EPHA3: variants seen among roughly 807,000 people sequenced by gnomAD.
The protein encoded by EPHA3 is ephrin type-A receptor 3.
A neutral mutation model predicts 107.1 loss-of-function variants in EPHA3; 42 were observed. That is an observed-to-expected ratio of 0.39 (90% confidence interval 0.31 to 0.51). The LOEUF (loss-of-function observed/expected upper bound fraction) is 0.51. Among genes scored for constraint, EPHA3 ranks in the 20% least tolerant of loss-of-function variants. The probability of loss-of-function intolerance (pLI) is 0.78; values close to 1 mark genes in which losing one functional copy is unlikely to be tolerated. For synonymous variants in EPHA3, 461 were observed against 424.8 expected (o/e 1.09, Z -1.05); for missense variants, 1,183 against 1,211.2 (o/e 0.98, Z 0.35).
intron 1 of EPHA3, among the ~76,000 whole-genome samples, chr3:89,121,329 A>G (rs1335790883): frequency 1.3e-5 from 2 of 152,246 alleles, no homozygotes; most frequent in African/African-American, 4.8e-5. Flanking sequence ...CATTTCTGTG[A>G]TATAAAATGC....
chr3:89,429,695 CATCT>C (rs55794052), intron 12 of EPHA3, among the ~76,000 whole-genome samples: 52,769 of 149,088 alleles, frequency 0.35, 9,906 homozygotes, highest in Non-Finnish European at 0.44. Flanking sequence ...GTTTATCTAT[CATCT>C]ATCTATCTAT....
At chr3:89,264,103 T>C (rs1401178356) in intron 3 of EPHA3, among the ~76,000 whole-genome samples, 2 of 152,116 alleles carry the variant, frequency 1.3e-5, no homozygotes, top group African/African-American at 4.8e-5. Flanking sequence ...TATGTTTGGT[T>C]CAAAAAGCTT....
At chr3:89,111,690 T>C (rs1369124453) in intron 1 of EPHA3, among the ~76,000 whole-genome samples, 1 of 152,132 alleles carries the variant, frequency 6.6e-6, no homozygotes, top group African/African-American at 2.4e-5. Flanking sequence ...ATTTTGAATG[T>C]CCCGTAAAGA....
chr3:89,127,255 C>T lies in EPHA3; in HGVS notation c.135C>T (p.Ile45=), dbSNP rs139262347. 5.6e-6 allele frequency: 9 copies of T among 1,612,152 alleles called. No individual in the cohort carries two copies. The African/African-American group carries it at 1.2e-4, about 22-fold the overall frequency. Residue 45 remains isoleucine (I), a synonymous_variant, in exon 2 of 17, where the codon ATC becomes ATT. Transcript: ENST00000336596. ...SKTIQGELGW[I]SYPSHGWEEI... The stretch of plus-strand genomic sequence containing the variant: ...CAATTCAAGGGGAGCTGGGCTGGAT[C>T]TCTTATCCATCACATGGGGTGAGTT...
intron 1 of EPHA3, among the ~76,000 whole-genome samples, chr3:89,117,101 A>G (rs1707275059): frequency 6.6e-6 from 1 of 152,054 alleles, no homozygotes; most frequent in Non-Finnish European, 1.5e-5. Flanking sequence ...GGTTAATTTT[A>G]TTACTGAGAA....
At chr3:89,333,745 G>A (rs1216820289) in intron 3 of EPHA3, among the ~76,000 whole-genome samples, 2 of 151,954 alleles carry the variant, frequency 1.3e-5, no homozygotes, top group African/African-American at 2.4e-5. Context: ...GGTGGCATGC[G>A]ACTGTAGTCC....
intron 15 of EPHA3, among the ~76,000 whole-genome samples, chr3:89,458,217 C>T (rs1281345755): frequency 3.9e-5 from 6 of 152,128 alleles, no homozygotes; most frequent in Non-Finnish European, 5.9e-5. Context: ...AAATACGAAA[C>T]ATTCACTAAT....
intron 5 of EPHA3, among the ~76,000 whole-genome samples, chr3:89,368,294 T>A (rs1330729736): frequency 6.7e-6 from 1 of 150,272 alleles, no homozygotes; most frequent in African/African-American, 2.4e-5. Context: ...TCTTCATTAA[T>A]TAAAAAAAGA....
chr3:89,443,907 T>TCTGTA (rs1486938748), intron 13 of EPHA3, among the ~76,000 whole-genome samples: 1 of 152,028 alleles, frequency 6.6e-6, no homozygotes, highest in Non-Finnish European at 1.5e-5. Context: ...TTTACCCAGT[T>TCTGTA]ACAGAAAAAA....
At chr3:89,415,212 A>C (rs1177262230) in intron 10 of EPHA3, among the ~76,000 whole-genome samples, 3 of 151,522 alleles carry the variant, frequency 2.0e-5, no homozygotes, top group African/African-American at 7.2e-5. Flanking sequence ...GTACACAAAT[A>C]AATTAAATAG....
intron 3 of EPHA3, among the ~76,000 whole-genome samples, chr3:89,305,781 A>G (rs1465967033): frequency 1.3e-5 from 2 of 152,212 alleles, no homozygotes; most frequent in East Asian, 3.9e-4. Context: ...CAACCAGACT[A>G]CTTGGCCCTA....
At chr3:89,418,638 ATTG>A (rs1196447453) in intron 10 of EPHA3, among the ~76,000 whole-genome samples, 5 of 151,276 alleles carry the variant, frequency 3.3e-5, no homozygotes, top group Non-Finnish European at 7.4e-5. Flanking sequence ...ATACTGTTAT[ATTG>A]TTGTTGTCCT....
intron 7 of EPHA3, among the ~76,000 whole-genome samples, chr3:89,403,788 C>G (rs1185599538): frequency 3.9e-5 from 6 of 152,134 alleles, no homozygotes; most frequent in Non-Finnish European, 8.8e-5. Flanking sequence ...CTCCGTGTCT[C>G]AGTTTTTCTA....
At chr3:89,429,309 G>T in intron 12 of EPHA3, 142 bp downstream of exon 12, 1 of 532,566 alleles carries the variant, frequency 1.9e-6, no homozygotes, top group South Asian at 4.4e-5. Flanking sequence ...GACAGAGAAG[G>T]GCTGTAAAAT....
intron 6 of EPHA3, among the ~76,000 whole-genome samples, chr3:89,398,174 T>A (rs1365809733): frequency 6.6e-6 from 1 of 152,224 alleles, no homozygotes; most frequent in East Asian, 1.9e-4. Context: ...GCATGTTTTC[T>A]GTACTATTCA....
intron 15 of EPHA3, among the ~76,000 whole-genome samples, chr3:89,456,562 G>T (rs749795712): frequency 6.6e-5 from 10 of 152,104 alleles, no homozygotes; most frequent in Admixed American, 5.9e-4. Context: ...GCCTTCATTA[G>T]AGTTGATGAT....
At chr3:89,313,834 A>G (rs1487881481) in intron 3 of EPHA3, among the ~76,000 whole-genome samples, 1 of 152,066 alleles carries the variant, frequency 6.6e-6, no homozygotes, top group African/African-American at 2.4e-5. Context: ...TAAGTACTAC[A>G]TATTGTTGTT....
At chr3:89,308,107 T>C (rs939766784) in intron 3 of EPHA3, among the ~76,000 whole-genome samples, 4 of 152,124 alleles carry the variant, frequency 2.6e-5, no homozygotes, top group African/African-American at 9.7e-5. Context: ...CATTAAGTAA[T>C]GGTTGAGTGT....
chr3:89,433,999 G>T (rs1709618798), intron 13 of EPHA3, among the ~76,000 whole-genome samples: 2 of 151,974 alleles, frequency 1.3e-5, no homozygotes, highest in South Asian at 4.2e-4. Context: ...TTTTTCTAAG[G>T]CTATCCCTCT....
Sources: gnomAD v4.1 joint callset for allele counts (sites outside exome capture counted in the v4.1 genomes callset) on GRCh38, gnomAD v4.1.1 for gene constraint, MANE v1.5 for transcripts, NCBI Gene and HGNC (gene_info 2026-07-23, HGNC 2026-07-21) for gene names.